The following RAP1GAP2 variants were observed in gnomAD, a reference collection of about 807,000 sequenced individuals.
The protein encoded by RAP1GAP2 is rap1 GTPase-activating protein 2.
RAP1GAP2 carries 27 observed loss-of-function variants against 95.0 expected under a neutral mutation model. The ratio of observed to expected loss-of-function variants is 0.28; its 90% CI spans 0.21 to 0.39. RAP1GAP2 has a LOEUF of 0.39. RAP1GAP2 is among the 10% of genes least tolerant of loss of function. The probability of loss-of-function intolerance (pLI) is 1.00; values close to 1 mark genes in which losing one functional copy is unlikely to be tolerated. For missense variants in RAP1GAP2, 771 were observed against 970.0 expected (o/e 0.79, Z 2.72); for synonymous variants, 373 against 380.9 (o/e 0.98, Z 0.24).
chr17:2,962,687 G>A lies in RAP1GAP2; in HGVS notation c.219G>A (p.Glu73=). 6.3e-7 allele frequency: 1 copy of A among 1,594,286 alleles called. No homozygotes were observed. The highest frequency in any genetic ancestry group is 8.5e-7 in the Non-Finnish European group (1 of 1,172,098). The change falls in exon 5 of 25, where the codon GAG becomes GAA. Residue 73 remains glutamate, a synonymous_variant. Coordinates refer to ENST00000254695, the MANE Select transcript of RAP1GAP2 (RefSeq NM_015085.5). ...LEKMQGIKLE[E]QKPGPQKNKD... ...TTCTATAGGGGATCAAGCTTGAAGA[G>A]CAGAAGCCGGGACCCCAGAAGAACA...
chr17:2,993,054 C>CAAAA (rs1157432511), intron 12 of RAP1GAP2, among the ~76,000 whole-genome samples: 2 of 103,040 alleles, frequency 1.9e-5, no homozygotes, highest in Non-Finnish European at 2.1e-5. Flanking sequence ...ACTAAAAATA[C>CAAAA]AAAAAAAAAA....
chr17:2,864,434 A>G (rs1290264865), intron 2 of RAP1GAP2, among the ~76,000 whole-genome samples: 1 of 152,254 alleles, frequency 6.6e-6, no homozygotes, highest in African/African-American at 2.4e-5. Context: ...TTGAGAAATC[A>G]GAAGCTCTGG....
At chr17:3,028,652 A>G (rs1200938221) in intron 22 of RAP1GAP2, among the ~76,000 whole-genome samples, 2 of 152,178 alleles carry the variant, frequency 1.3e-5, no homozygotes, top group African/African-American at 4.8e-5. Flanking sequence ...CGTGTTTCTC[A>G]GTGAGTGGAA....
chr17:2,871,919 A>G lies in RAP1GAP2; in HGVS notation c.81-33365A>G, dbSNP rs556498636. On this transcript the variant is annotated intron_variant, in intron 2 of 24. Transcript: ENST00000254695. This position sits in a 1 kb window ranked among gnomAD's most constrained non-coding sequence, Gnocchi z 5.0. ...TTATTTCACATTCATACCATGGACT[A>G]ACTACTTAAAATAGAATGATGAGGC... is the stretch of plus-strand genomic sequence containing the variant. Among the ~76,000 whole-genome samples, 1 of 152,158 alleles carries G rather than the reference A, an allele frequency of 6.6e-6. No individual in the cohort carries two copies. The highest frequency in any genetic ancestry group is 1.5e-5 in the Non-Finnish European group (1 of 68,028).
intron 1 of RAP1GAP2, among the ~76,000 whole-genome samples, chr17:2,767,772 T>A (rs561736782): frequency 6.6e-6 from 1 of 150,914 alleles, no homozygotes; most frequent in African/African-American, 2.4e-5. Flanking sequence ...TCACTCTCTC[T>A]CCCAGGCTGG....
Position 3,020,633 on chromosome 17 carries a change from G to C in RAP1GAP2, c.1751+38G>C, listed in dbSNP as rs377077183. On this transcript the variant is annotated intron_variant, in intron 19 of 24. Transcript: ENST00000254695. ...AAACCCCTACCCCAGCCTGACTTGC[G>C]GGGTCTGTCAACCCCCTCCACTGCT... The C allele has an allele frequency of 3.8e-6, 6 of 1,578,266 alleles. No individual in the cohort carries two copies. In the Admixed American group the frequency reaches 5.3e-5, roughly 14 times the overall value.
intron 2 of RAP1GAP2, among the ~76,000 whole-genome samples, chr17:2,883,996 C>T (rs139185905): frequency 2.1e-4 from 32 of 152,360 alleles, no homozygotes; most frequent in Admixed American, 9.1e-4. Context: ...CTGTGGGCTC[C>T]TGTCAGCCTT....
chr17:2,818,647 C>T (rs2070146732), intron 2 of RAP1GAP2, among the ~76,000 whole-genome samples: 3 of 152,202 alleles, frequency 2.0e-5, no homozygotes, highest in South Asian at 4.1e-4. Flanking sequence ...ATTTTTAATG[C>T]TTTCACATTC....
chr17:2,928,477 G>A (rs2043037125), intron 3 of RAP1GAP2, among the ~76,000 whole-genome samples: 1 of 152,068 alleles, frequency 6.6e-6, no homozygotes, highest in African/African-American at 2.4e-5. Context: ...GTGAGGGTGG[G>A]AAGGTGTGGG....
chr17:2,870,239 C>T lies in RAP1GAP2; in HGVS notation c.81-35045C>T, dbSNP rs1340932295. The stretch of plus-strand genomic sequence containing the variant: ...CAAGTGATTCTCCTTGCCTTAGCCT[C>T]CCGAGTAGCTGGGATTACAGGCGCC... On this transcript the variant is annotated intron_variant, in intron 2 of 24. Coordinates refer to ENST00000254695, the MANE Select transcript of RAP1GAP2 (RefSeq NM_015085.5). This position sits in a 1 kb window ranked among gnomAD's most constrained non-coding sequence, Gnocchi z 4.4. Among the ~76,000 whole-genome samples, 1 of 151,876 alleles carries T rather than the reference C, an allele frequency of 6.6e-6. No homozygotes were observed. The highest frequency in any genetic ancestry group is 1.9e-4 in the East Asian group (1 of 5,180).
intron 2 of RAP1GAP2, among the ~76,000 whole-genome samples, chr17:2,880,137 G>A (rs879439058): frequency 7.9e-5 from 12 of 152,180 alleles, no homozygotes; most frequent in Non-Finnish European, 1.6e-4. Context: ...GACATCGGAA[G>A]GGAGGGACAT....
chr17:2,818,203 C>G (rs1021884851), intron 2 of RAP1GAP2, among the ~76,000 whole-genome samples: 1 of 151,834 alleles, frequency 6.6e-6, no homozygotes, highest in Non-Finnish European at 1.5e-5. Context: ...AGTTAAGTTC[C>G]GGTCATCATT....
rs1216020328 is a variant in RAP1GAP2, at chr17:3,029,777, G to A, written c.2108-1145G>A. 1.3e-5 allele frequency among the ~76,000 whole-genome samples: 2 copies of A among 152,106 alleles called. No homozygotes were observed. The highest frequency in any genetic ancestry group is 3.8e-4 in the East Asian group (2 of 5,198). On this transcript the variant is annotated intron_variant, in intron 22 of 24. Coordinates refer to ENST00000254695, the MANE Select transcript of RAP1GAP2 (RefSeq NM_015085.5). This position sits in a 1 kb window ranked among gnomAD's most constrained non-coding sequence, Gnocchi z 4.4. ...CTGCCAGCGGGGCACAGCGGGAAAT[G>A]TTGACACCGGGCTCTGCCACCACTC...
At chr17:2,944,014 G>C (rs1266984520) in intron 3 of RAP1GAP2, among the ~76,000 whole-genome samples, 1 of 151,944 alleles carries the variant, frequency 6.6e-6, no homozygotes, top group Non-Finnish European at 1.5e-5. Flanking sequence ...AGGTATGGTG[G>C]TGTCCGCCCC....
chr17:2,851,427 C>T (rs1319286954), intron 2 of RAP1GAP2, among the ~76,000 whole-genome samples: 1 of 152,086 alleles, frequency 6.6e-6, no homozygotes, highest in African/African-American at 2.4e-5. Context: ...GGGGTCCCCT[C>T]TGTGGGGTGT....
chr17:2,774,358 C>T (rs1363584964), upstream of RAP1GAP2, among the ~76,000 whole-genome samples: 1 of 152,132 alleles, frequency 6.6e-6, no homozygotes, highest in African/African-American at 2.4e-5. Flanking sequence ...GGATTGAATG[C>T]CGTTCCTCTG....
chr17:3,030,977 C>A lies in RAP1GAP2; in HGVS notation c.2163C>A (p.Leu721=). 6.2e-7 allele frequency: 1 copy of A among 1,609,096 alleles called. No individual in the cohort carries two copies. The highest frequency in any genetic ancestry group is 1.1e-5 in the South Asian group (1 of 90,132). ...RSNLKFRFDK[L]SHASSGAGH ...ACCTGAAATTCCGCTTTGACAAGCT[C>A]AGCCATGCCAGCTCTGGTGCGGTAA... is the stretch of plus-strand genomic sequence containing the variant. Residue 721 remains leucine (L), a synonymous_variant, in exon 23 of 25, where the codon CTC becomes CTA. Coordinates refer to ENST00000254695, the MANE Select transcript of RAP1GAP2 (RefSeq NM_015085.5).
intron 13 of RAP1GAP2, among the ~76,000 whole-genome samples, chr17:2,997,661 A>T (rs2046006357): frequency 6.6e-6 from 1 of 152,068 alleles, no homozygotes; most frequent in Non-Finnish European, 1.5e-5. Context: ...GGTTGGGCAC[A>T]GTGGCTTATG....
chr17:2,993,428 C>T (rs1482337459), intron 12 of RAP1GAP2, among the ~76,000 whole-genome samples: 1 of 133,346 alleles, frequency 7.5e-6, no homozygotes, highest in African/African-American at 2.8e-5. Flanking sequence ...GAAAAATTAG[C>T]CGGGCGTGGT....
Sources: gnomAD v4.1 joint callset for allele counts (sites outside exome capture counted in the v4.1 genomes callset) on GRCh38, gnomAD v4.1.1 for gene constraint, Gnocchi (gnomAD v3.1) non-coding constraint, MANE v1.5 for transcripts, NCBI Gene and HGNC (gene_info 2026-07-23, HGNC 2026-07-21) for gene names.